NALF1: variants seen among roughly 807,000 people sequenced by gnomAD.
NALF1 encodes family with sequence similarity 155 member A.
NALF1 carries 3 observed loss-of-function variants against 48.4 expected under a neutral mutation model. That is an observed-to-expected ratio of 0.06 (90% CI 0.03 to 0.16). NALF1 has a LOEUF of 0.16. NALF1 is among the 10% of genes least tolerant of loss of function. NALF1 has a pLI of 1.00. For synonymous variants in NALF1, 262 were observed against 245.7 expected (o/e 1.07, Z -0.62); for missense variants, 526 against 571.5 (o/e 0.92, Z 0.81).
At position 107,175,703 on chromosome 13, in the gene NALF1, T is replaced by A. The variant is rs546266218; in HGVS notation, c.1088-4917A>T. Among the ~76,000 whole-genome samples the A allele has an allele frequency of 3.3e-5, 5 of 152,208 alleles. No homozygotes were observed. In the South Asian group the frequency reaches 1.0e-3, roughly 32 times the overall value. ...CATTATTTCTTTGCCTTATATAGAG[T>A]CAGTAGGTCACATAAGCAGATCAAT... On this transcript the variant is annotated intron_variant, in intron 2 of 2. Coordinates refer to ENST00000375915, the MANE Select transcript of NALF1 (RefSeq NM_001080396.3).
At chr13:107,400,920 A>C (rs1883795836) in intron 1 of NALF1, among the ~76,000 whole-genome samples, 1 of 152,034 alleles carries the variant, frequency 6.6e-6, no homozygotes, top group Admixed American at 6.6e-5. Flanking sequence ...ACTTTTCCCC[A>C]GTGAAATTAT....
chr13:107,586,062 G>A (rs1339747976), intron 1 of NALF1, among the ~76,000 whole-genome samples: 1 of 152,044 alleles, frequency 6.6e-6, no homozygotes, highest in East Asian at 1.9e-4. Flanking sequence ...ATAAGCAATG[G>A]CATTGATTTT....
intron 1 of NALF1, among the ~76,000 whole-genome samples, chr13:107,554,706 TTC>T: frequency 6.6e-6 from 1 of 152,342 alleles, no homozygotes; most frequent in African/African-American, 2.4e-5. Context: ...TTGTAATTGC[TTC>T]TGACAGTGGC....
intron 1 of NALF1, among the ~76,000 whole-genome samples, chr13:107,429,463 C>A (rs1229515225): frequency 6.6e-6 from 1 of 151,824 alleles, no homozygotes; most frequent in Non-Finnish European, 1.5e-5. Flanking sequence ...GGACACCTAT[C>A]CCTGCTAAGA....
intron 1 of NALF1, among the ~76,000 whole-genome samples, chr13:107,413,517 A>G (rs1183969427): frequency 6.6e-6 from 1 of 152,176 alleles, no homozygotes; most frequent in Non-Finnish European, 1.5e-5. Context: ...GACACAATTG[A>G]ATTGTAGATG....
chr13:107,285,817 T>C (rs1056665024), intron 1 of NALF1, among the ~76,000 whole-genome samples: 2 of 151,962 alleles, frequency 1.3e-5, no homozygotes, highest in African/African-American at 4.8e-5. Flanking sequence ...GAGTCAAAGA[T>C]TCCTAGAAAT....
At chr13:107,507,883 T>G (rs1875754570) in intron 1 of NALF1, among the ~76,000 whole-genome samples, 1 of 152,174 alleles carries the variant, frequency 6.6e-6, no homozygotes, top group Non-Finnish European at 1.5e-5. Flanking sequence ...AGTAACTGAA[T>G]GCTCTTCCAA....
At chr13:107,292,501 C>A (rs927048879) in intron 1 of NALF1, among the ~76,000 whole-genome samples, 2 of 148,798 alleles carry the variant, frequency 1.3e-5, no homozygotes, top group African/African-American at 4.9e-5. Context: ...AATTTTTAAA[C>A]TTTTTGTTAA....
intron 1 of NALF1, among the ~76,000 whole-genome samples, chr13:107,419,268 T>C (rs1198377579): frequency 6.6e-6 from 1 of 152,228 alleles, no homozygotes; most frequent in African/African-American, 2.4e-5. Context: ...TTTCCCCAAA[T>C]TATATACGTT....
intron 1 of NALF1, among the ~76,000 whole-genome samples, chr13:107,545,157 T>C (rs533644766): frequency 2.8e-4 from 42 of 152,216 alleles, no homozygotes; most frequent in African/African-American, 9.4e-4. Context: ...CCTAATCCCA[T>C]ATAAAGAGCA....
At chr13:107,655,841 C>T (rs1445822057) in intron 1 of NALF1, among the ~76,000 whole-genome samples, 1 of 151,878 alleles carries the variant, frequency 6.6e-6, no homozygotes, top group African/African-American at 2.4e-5. Context: ...AATAGAGAAC[C>T]CAGAAATAAA....
chr13:107,290,851 T>C (rs987889255), intron 1 of NALF1, among the ~76,000 whole-genome samples: 10 of 152,278 alleles, frequency 6.6e-5, no homozygotes, highest in Non-Finnish European at 1.3e-4. Context: ...TAGGCTGGAA[T>C]AGATTTCTGG....
chr13:107,821,191 T>C (rs1188301091), intron 1 of NALF1, among the ~76,000 whole-genome samples: 1 of 152,202 alleles, frequency 6.6e-6, no homozygotes, highest in Non-Finnish European at 1.5e-5. Flanking sequence ...TTTTGCTTTA[T>C]TACAACAATA....
chr13:107,269,387 T>C (rs1323448701), intron 1 of NALF1, among the ~76,000 whole-genome samples: 2 of 152,042 alleles, frequency 1.3e-5, no homozygotes, highest in South Asian at 2.1e-4. Flanking sequence ...GAGTGGATAG[T>C]AAATGTTATT....
intron 1 of NALF1, among the ~76,000 whole-genome samples, chr13:107,707,492 C>T (rs910241088): frequency 6.6e-6 from 1 of 152,166 alleles, no homozygotes; most frequent in African/African-American, 2.4e-5. Flanking sequence ...TAGATACTTC[C>T]TTTTCCATCC....
In NALF1 at chr13:107,750,407, A is replaced by G. The variant is rs533307745; in HGVS notation, c.915+115275T>C. 2.0e-5 allele frequency among the ~76,000 whole-genome samples: 3 copies of G among 152,368 alleles called. No individual in the cohort carries two copies. In the East Asian group the frequency reaches 5.8e-4, roughly 29 times the overall value. On this transcript the variant is annotated intron_variant, in intron 1 of 2. Coordinates refer to ENST00000375915, the MANE Select transcript of NALF1 (RefSeq NM_001080396.3). ...ACAATGTTTAACTCATATTCAACTG[A>G]GCTGCATAACCATTTTTAAATCCAC... is the stretch of plus-strand genomic sequence containing the variant.
chr13:107,614,215 C>T (rs1399453080), intron 1 of NALF1, among the ~76,000 whole-genome samples: 3 of 152,192 alleles, frequency 2.0e-5, no homozygotes, highest in African/African-American at 7.2e-5. Context: ...GAAACACATA[C>T]TCACTTACCT....
At chr13:107,582,531 C>T (rs1054852467) in intron 1 of NALF1, among the ~76,000 whole-genome samples, 3 of 152,136 alleles carry the variant, frequency 2.0e-5, no homozygotes, top group Admixed American at 6.6e-5. Context: ...AAATCAAGCA[C>T]GGTGCAGTGC....
intron 1 of NALF1, among the ~76,000 whole-genome samples, chr13:107,686,368 A>G (rs1186799130): frequency 3.5e-5 from 4 of 113,292 alleles, no homozygotes; most frequent in African/African-American, 9.8e-5. Flanking sequence ...AATAGGTCAC[A>G]TTATTATTTA....
Sources: gnomAD v4.1 joint callset for allele counts (sites outside exome capture counted in the v4.1 genomes callset) on GRCh38, gnomAD v4.1.1 for gene constraint, MANE v1.5 for transcripts, NCBI Gene and HGNC (gene_info 2026-07-23, HGNC 2026-07-21) for gene names.